JAK1: variants seen among roughly 807,000 people sequenced by gnomAD.
JAK1 encodes the protein Janus kinase 1.
Under a neutral mutation model 136.6 loss-of-function variants are expected in JAK1, and 16 were observed. The observed-to-expected ratio is 0.12, with a 90% CI of 0.08 to 0.18. The LOEUF (loss-of-function observed/expected upper bound fraction) is 0.18, where lower values mean the gene tolerates loss of function less well. Among genes scored for constraint, JAK1 ranks in the 10% least tolerant of loss-of-function variants. The pLI, the probability that JAK1 is intolerant of heterozygous loss-of-function variation, is 1.00. For synonymous variants in JAK1, 492 were observed against 519.5 expected (o/e 0.95, Z 0.72); for missense variants, 859 against 1,450.1 (o/e 0.59, Z 6.62).
In JAK1 at chr1:65,012,956, C is replaced by T. The variant is rs554395925; in HGVS notation, c.-78+31524G>A. Reference sequence around the variant, plus strand: ...AAAATACAAAACTGGTTTAGCTGGGCGTGGTGGCGAGCACCTGTAGTCCTA... The same window carrying T: ...AAAATACAAAACTGGTTTAGCTGGGTGTGGTGGCGAGCACCTGTAGTCCTA... On this transcript the variant is annotated intron_variant, in intron 2 of 25. Transcript: ENST00000671954. 6.6e-5 allele frequency among the ~76,000 whole-genome samples: 10 copies of T among 151,622 alleles called. No individual in the cohort carries two copies. In the South Asian group the frequency reaches 1.0e-3, roughly 16 times the overall value.
intron 2 of JAK1, among the ~76,000 whole-genome samples, chr1:65,015,025 TGAGG>T (rs1646881945): frequency 6.6e-6 from 1 of 152,116 alleles, no homozygotes; most frequent in South Asian, 2.1e-4. Flanking sequence ...CTTTCAAGAA[TGAGG>T]GCATAGTATT....
rs1184644512 is a variant in JAK1, at chr1:64,845,636, G to T, written c.1992C>A (p.Ile664=). ...YGVCVRDVEN[I]MVEEFVEGGP... ...CCCCTTCCACAAACTCTTCCACCAT[G>T]ATATCTGTAGGCATAAAAATAGCCA... Residue 664 remains isoleucine, a synonymous_variant, in exon 15 of 25, where the codon ATC becomes ATA. Transcript: ENST00000342505. 6.2e-7 allele frequency: 1 copy of T among 1,614,168 alleles called. No individual in the cohort carries two copies. Among genetic ancestry groups the T allele is most frequent in the Non-Finnish European group, 8.5e-7 (1 of 1,180,014 alleles).
chr1:65,009,439 A>G (rs1268748122), intron 2 of JAK1, among the ~76,000 whole-genome samples: 1 of 152,270 alleles, frequency 6.6e-6, no homozygotes, highest in Non-Finnish European at 1.5e-5. Flanking sequence ...CATATGTTAC[A>G]TGCTTAAAAA....
exon 1 of JAK1, chr1:65,067,608 G>A (rs1648132791): frequency 6.8e-6 from 1 of 147,116 alleles, no homozygotes; most frequent in African/African-American, 2.5e-5. Flanking sequence ...ACCCACCTGC[G>A]CCCCCGGGGG....
intron 22 of JAK1, 111 bp downstream of exon 22, chr1:64,837,821 C>A: frequency 3.5e-6 from 3 of 859,686 alleles, no homozygotes; most frequent in Non-Finnish European, 5.3e-6. Context: ...CCTTCTCTAA[C>A]CTTGAGTCAG....
chr1:65,029,956 G>T lies in JAK1; in HGVS notation c.-78+14524C>A, dbSNP rs549661444. ...TACTTCTGAACTTAAAAGTTAAAAA[G>T]TTAAAAAAAAAAAAGTCTGTTATGG... is the stretch of plus-strand genomic sequence containing the variant. On this transcript the variant is annotated intron_variant, in intron 2 of 25. Transcript: ENST00000671954. Among the ~76,000 whole-genome samples, 5 of 146,534 alleles carry T rather than the reference G, an allele frequency of 3.4e-5. No homozygotes were observed. In the South Asian group the frequency reaches 1.1e-3, roughly 31 times the overall value.
At chr1:64,935,347 T>C (rs11208547) in intron 1 of JAK1, among the ~76,000 whole-genome samples, 77,966 of 152,094 alleles carry the variant, frequency 0.51, 23,996 homozygotes, top group Non-Finnish European at 0.71. Context: ...TTGCCCAGGC[T>C]AGAGTGCAAT....
chr1:64,930,996 CAG>C (rs1002361930), intron 1 of JAK1, among the ~76,000 whole-genome samples: 1 of 148,670 alleles, frequency 6.7e-6, no homozygotes, highest in African/African-American at 2.5e-5. Context: ...CAGGGCCAGT[CAG>C]GGGGTGGGGG....
intron 2 of JAK1, among the ~76,000 whole-genome samples, chr1:65,005,304 A>G (rs187017990): frequency 8.7e-4 from 132 of 151,928 alleles, no homozygotes; most frequent in African/African-American, 3.0e-3. Flanking sequence ...AGATCACGCC[A>G]TTGCTCTCTA....
At chr1:64,853,845 G>A (rs1393766000) in intron 11 of JAK1, among the ~76,000 whole-genome samples, 1 of 152,170 alleles carries the variant, frequency 6.6e-6, no homozygotes, top group African/African-American at 2.4e-5. Context: ...ATAGAGTGGT[G>A]AGTGAGACTC....
At chr1:64,975,054 C>T (rs970192561) in intron 2 of JAK1, among the ~76,000 whole-genome samples, 2 of 151,726 alleles carry the variant, frequency 1.3e-5, no homozygotes, top group Non-Finnish European at 2.9e-5. Context: ...GGATTACAAG[C>T]ATGTGCCACC....
At chr1:64,927,724 C>T (rs1031866743) in intron 1 of JAK1, among the ~76,000 whole-genome samples, 2 of 152,184 alleles carry the variant, frequency 1.3e-5, no homozygotes, top group African/African-American at 4.8e-5. Context: ...ATTTGGTCAA[C>T]GATGAGTATC....
Position 64,834,608 on chromosome 1 carries a change from G to A in JAK1, c.3419C>T (p.Thr1140Ile), listed in dbSNP as rs1345526134. The change falls in exon 25 of 25, where the codon ACA (threonine) becomes ATA (isoleucine). Residue 1140 changes from threonine (T) to isoleucine (I), a missense_variant. By Grantham distance (89) the Thr-to-Ile change is moderately conservative (BLOSUM62 -1). Around this residue, in one of 4 missense-constraint regions of JAK1, gnomAD observed 53 missense variants for 64.8 expected, o/e 0.82. Transcript: ENST00000342505. Reference protein sequence around the residue: ...KCWEFQPSNRTSFQNLIEGFE... With the variant: ...KCWEFQPSNRISFQNLIEGFE... ...TCCTTCAATAAGGTTCTGAAAGCTTGTCCGATTGGATGGTTGGAATTCCCA... is the reference window on the plus strand; with the variant it reads ...TCCTTCAATAAGGTTCTGAAAGCTTATCCGATTGGATGGTTGGAATTCCCA... 1 of 1,612,726 alleles carries A rather than the reference G, an allele frequency of 6.2e-7. No homozygotes were observed. The highest frequency in any genetic ancestry group is 8.5e-7 in the Non-Finnish European group (1 of 1,178,916).
chr1:65,057,332 T>C, intron 1 of JAK1, among the ~76,000 whole-genome samples: 1 of 152,168 alleles, frequency 6.6e-6, no homozygotes. Context: ...GAATCCTGGG[T>C]TCTCCAATAA....
chr1:65,059,703 A>G (rs1647706589), intron 1 of JAK1, among the ~76,000 whole-genome samples: 1 of 152,222 alleles, frequency 6.6e-6, no homozygotes. Context: ...TCAACTTATT[A>G]AAACCATGAT....
chr1:65,051,369 G>C (rs2100859638), intron 1 of JAK1, among the ~76,000 whole-genome samples: 1 of 152,130 alleles, frequency 6.6e-6, no homozygotes, highest in African/African-American at 2.4e-5. Flanking sequence ...ATATAAATCT[G>C]GGAATTTCTG....
chr1:64,862,519 C>T (rs1444313123), intron 8 of JAK1, among the ~76,000 whole-genome samples: 1 of 152,184 alleles, frequency 6.6e-6, no homozygotes, highest in African/African-American at 2.4e-5. Context: ...TTCTTCCTGC[C>T]CTCCTCCTGC....
Position 64,907,493 on chromosome 1 carries a change from T to C in JAK1, c.-77-21152A>G, listed in dbSNP as rs372526013. ...TTCAATAAGACATACAAATAAGATA[T>C]GTTTGGACACACAGCGGGGAACATC... On this transcript the variant is annotated intron_variant, in intron 1 of 24. Coordinates refer to ENST00000342505, the MANE Select transcript of JAK1 (RefSeq NM_002227.4). 1.0e-3 allele frequency among the ~76,000 whole-genome samples: 158 copies of C among 152,196 alleles called. 1 individual carries two copies. In the South Asian group the frequency reaches 0.02, roughly 19 times the overall value.
At chr1:65,015,129 T>C (rs2100779246) in intron 2 of JAK1, among the ~76,000 whole-genome samples, 1 of 152,322 alleles carries the variant, frequency 6.6e-6, no homozygotes, top group Non-Finnish European at 1.5e-5. Flanking sequence ...GGTGTCATTC[T>C]GGAAGAAAGA....
Sources: gnomAD v4.1 joint callset for allele counts (sites outside exome capture counted in the v4.1 genomes callset) on GRCh38, gnomAD v4.1.1 for gene constraint, gnomAD v4.1.1 regional missense constraint, MANE v1.5 for transcripts, NCBI Gene and HGNC (gene_info 2026-07-23, HGNC 2026-07-21) for gene names.